The following ZNF536 variants were observed in gnomAD, a reference collection of about 807,000 sequenced individuals.
ZNF536 encodes the protein zinc finger protein 536.
In ZNF536, 13 loss-of-function variants were observed where a neutral mutation model predicts 84.5. The ratio of observed to expected loss-of-function variants is 0.15; its 90% CI spans 0.10 to 0.24. The LOEUF (loss-of-function observed/expected upper bound fraction) is 0.24, where lower values mean the gene tolerates loss of function less well. ZNF536 is among the 10% of genes least tolerant of loss of function. The pLI is 1.00. For synonymous variants in ZNF536, 811 were observed against 742.5 expected, an observed-to-expected ratio of 1.09 and a Z score of -1.50; for missense variants, 1,536 against 1,747.5, an observed-to-expected ratio of 0.88 and a Z score of 2.16.
At position 30,228,728 on chromosome 19, in the gene ZNF536, A is replaced by C. The variant is rs1423931339; in HGVS notation, c.-190+55A>C. On this transcript the variant is annotated intron_variant, in intron 1 of 5. Coordinates refer to the ZNF536 transcript ENST00000585628. The surrounding 1 kb of genome is among the most constrained non-coding windows in gnomAD (Gnocchi z 4.5). ...CCCGGGGTGAGCGCGCAAAGCCGGG[A>C]GCGAGGTGCCGCGAGCTGCGCGCCG... 3.3e-5 allele frequency: 5 copies of C among 151,046 alleles called. No homozygotes were observed. Among genetic ancestry groups the C allele is most frequent in the Non-Finnish European group, 5.9e-5 (4 of 67,800 alleles). 9.4% of individuals were successfully genotyped at this position (151,046 alleles called of 1,614,324 possible).
chr19:30,534,019 C>A (rs531963007), intron 2 of ZNF536, among the ~76,000 whole-genome samples: 1 of 152,348 alleles, frequency 6.6e-6, no homozygotes, highest in East Asian at 1.9e-4. Flanking sequence ...TTATGTCCCA[C>A]AATTTCTTTG....
At chr19:30,560,780 G>T (rs1466009799), downstream of ZNF536, among the ~76,000 whole-genome samples, 1 of 152,204 alleles carries the variant, frequency 6.6e-6, no homozygotes, top group East Asian at 1.9e-4. Flanking sequence ...CTAAATGTTG[G>T]GAGATGATTA....
chr19:30,461,389 A>G (rs1353742194), intron 2 of ZNF536, among the ~76,000 whole-genome samples: 1 of 152,218 alleles, frequency 6.6e-6, no homozygotes, highest in Non-Finnish European at 1.5e-5. Context: ...CAGGGAGGTC[A>G]GAGGTCACCA....
At chr19:30,447,269 T>C (rs1055887020) in intron 2 of ZNF536, among the ~76,000 whole-genome samples, 1 of 152,234 alleles carries the variant, frequency 6.6e-6, no homozygotes, top group Non-Finnish European at 1.5e-5. Flanking sequence ...GCTGCACTTA[T>C]TAAGTAGATG....
At chr19:30,326,325 ACAGTGGGCTCAGAAAGTCTGG>A (rs1214371567) in intron 2 of ZNF536, among the ~76,000 whole-genome samples, 2 of 152,204 alleles carry the variant, frequency 1.3e-5, no homozygotes, top group Non-Finnish European at 2.9e-5. Context: ...GAAGAGGGGA[ACAGTGGGCTCAGAAAGTCTGG>A]CATCCAGAGC....
intron 1 of ZNF536, among the ~76,000 whole-genome samples, chr19:30,282,144 A>G (rs2045469720): frequency 6.6e-6 from 1 of 152,224 alleles, no homozygotes; most frequent in Non-Finnish European, 1.5e-5. Context: ...AGACACCAGG[A>G]GCCTCCTCCT....
At chr19:30,703,193 G>A (rs950684904) in intron 1 of ZNF536, among the ~76,000 whole-genome samples, 7 of 152,302 alleles carry the variant, frequency 4.6e-5, no homozygotes, top group Admixed American at 3.3e-4. Context: ...CAAAGGTCCC[G>A]GGGCAGAAAA....
intron 2 of ZNF536, among the ~76,000 whole-genome samples, chr19:30,533,778 G>A (rs1019789914): frequency 6.6e-6 from 1 of 152,182 alleles, no homozygotes; most frequent in African/African-American, 2.4e-5. Flanking sequence ...TGGAAGCTAC[G>A]GTGAGGATCA....
chr19:30,412,281 A>C (rs2050525981), intron 1 of ZNF536, among the ~76,000 whole-genome samples: 1 of 151,954 alleles, frequency 6.6e-6, no homozygotes, highest in African/African-American at 2.4e-5. Flanking sequence ...TCCAGGACAG[A>C]GTGTCTTGTT....
In ZNF536 at chr19:30,372,478, AC is replaced by A. The variant is rs1340435294; in HGVS notation, c.-79del. The A allele has an allele frequency of 6.6e-6, 1 of 152,130 alleles. No individual in the cohort carries two copies. Among genetic ancestry groups the A allele is most frequent in the Non-Finnish European group, 1.5e-5 (1 of 68,016 alleles). 9.4% of individuals were successfully genotyped at this position (152,130 alleles called of 1,614,324 possible). A position where few individuals can be genotyped will look rare whatever the true frequency, so the allele number is the denominator to read the frequency against. ...TAGGATCTGGACTCAAGTGACCAAA[AC>A]CTTGCTTGGATTTTTACCTGATGAA... On this transcript the variant is annotated 5_prime_UTR_variant, in exon 1 of 5. Coordinates refer to ENST00000355537, the MANE Select transcript of ZNF536 (RefSeq NM_014717.3).
At chr19:30,466,755 GGGAAGGAAGGAAGGAA>G (rs1300813936) in intron 2 of ZNF536, among the ~76,000 whole-genome samples, 30 of 62,578 alleles carry the variant, frequency 4.8e-4, no homozygotes, top group African/African-American at 1.9e-3. Context: ...GAAGAAAGGA[GGGAAGGAAGGAAGGAA>G]GGAAGGAAGG....
chr19:30,333,482 G>T (rs568656218), intron 2 of ZNF536, among the ~76,000 whole-genome samples: 1 of 152,214 alleles, frequency 6.6e-6, no homozygotes, highest in Non-Finnish European at 1.5e-5. Flanking sequence ...CCATGAGGCC[G>T]CTGGTCAAGA....
chr19:30,514,472 T>A (rs369692067), intron 2 of ZNF536, among the ~76,000 whole-genome samples: 2 of 151,898 alleles, frequency 1.3e-5, no homozygotes, highest in African/African-American at 4.8e-5. Flanking sequence ...CACAGGGAGA[T>A]GAGAAATGGT....
rs2052212832 is a variant in ZNF536, at chr19:30,444,347, G to A, written c.785G>A (p.Ser262Asn). The A allele has an allele frequency of 1.3e-6, 2 of 1,598,254 alleles. No homozygotes were observed. Among genetic ancestry groups the A allele is most frequent in the Non-Finnish European group, 1.7e-6 (2 of 1,177,826 alleles). ...CCGGTGCCCTCGCCCAAGCCTGCCAGCGTGCAGGAGGACGCGGTGGCCCCG... is the reference window on the plus strand; with the variant it reads ...CCGGTGCCCTCGCCCAAGCCTGCCAACGTGCAGGAGGACGCGGTGGCCCCG... Reference protein sequence around the residue: ...AHPVPSPKPASVQEDAVAPAA... With the variant: ...AHPVPSPKPANVQEDAVAPAA... Residue 262 changes from serine (S) to asparagine (N), a missense_variant, in exon 2 of 5, where the codon AGC becomes AAC. Physicochemically the swap from Ser to Asn is conservative, Grantham distance 46. Transcript: ENST00000355537.
chr19:30,567,469 A>G (rs1215571438), intron 1 of ZNF536, among the ~76,000 whole-genome samples: 1 of 152,126 alleles, frequency 6.6e-6, no homozygotes. Context: ...ACAGTCTGTG[A>G]ATCAGTTCTT....
chr19:30,507,517 G>T (rs775069609), intron 2 of ZNF536, among the ~76,000 whole-genome samples: 2 of 152,076 alleles, frequency 1.3e-5, no homozygotes, highest in Non-Finnish European at 2.9e-5. Context: ...AAACAAAAAA[G>T]CAACTTAAAA....
intron 2 of ZNF536, among the ~76,000 whole-genome samples, chr19:30,508,022 A>G (rs902733029): frequency 6.6e-6 from 1 of 152,174 alleles, no homozygotes; most frequent in African/African-American, 2.4e-5. Flanking sequence ...ATATATGTTC[A>G]TTAAATGGAA....
intron 1 of ZNF536, among the ~76,000 whole-genome samples, chr19:30,569,007 G>A (rs922377555): frequency 4.6e-4 from 70 of 152,122 alleles, no homozygotes; most frequent in Admixed American, 2.7e-3. Flanking sequence ...TCCTTAATGC[G>A]ATGAGCTGGT....
chr19:30,396,669 C>T (rs2049835207), intron 1 of ZNF536, among the ~76,000 whole-genome samples: 2 of 145,432 alleles, frequency 1.4e-5, no homozygotes, highest in Middle Eastern at 4.3e-3. Flanking sequence ...GGCATGATCT[C>T]GGCTCACTGC....
Sources: gnomAD v4.1 joint callset for allele counts (sites outside exome capture counted in the v4.1 genomes callset) on GRCh38, gnomAD v4.1.1 for gene constraint, Gnocchi (gnomAD v3.1) non-coding constraint, MANE v1.5 for transcripts, NCBI Gene and HGNC (gene_info 2026-07-23, HGNC 2026-07-21) for gene names.